NDUFV3: variants seen among roughly 807,000 people sequenced by gnomAD.
The protein encoded by NDUFV3 is NADH:ubiquinone oxidoreductase subunit V3, also known as NADH dehydrogenase [ubiquinone] flavoprotein 3, mitochondrial.
NDUFV3 carries 44 observed loss-of-function variants against 37.5 expected under a neutral mutation model. That is an observed-to-expected ratio of 1.17 (90% CI 0.92 to 1.51). The LOEUF is 1.51. NDUFV3 is among the 40% of genes most tolerant of loss of function. NDUFV3 has a pLI of 0.00. For synonymous variants in NDUFV3, 235 were observed against 239.3 expected (o/e 0.98, Z 0.17); for missense variants, 580 against 580.4 (o/e 1.00, Z 0.01).
chr21:42,909,379 T>A lies in NDUFV3; in HGVS notation c.*358T>A. 1 of 327,006 alleles carries A rather than the reference T, an allele frequency of 3.1e-6. No individual in the cohort carries two copies. The highest frequency in any genetic ancestry group is 2.5e-5 in the South Asian group (1 of 39,276). The allele number at this position is 327,006 out of a possible 1,614,324, so 20.3% of individuals were successfully genotyped here. A position where few individuals can be genotyped will look rare whatever the true frequency, so the allele number is the denominator to read the frequency against. ...CTGGTCTCGAACTCCTGACCTCAGATGGTCTGCCCACCTCCGCCTCCCAAA... is the reference window on the plus strand; with the variant it reads ...CTGGTCTCGAACTCCTGACCTCAGAAGGTCTGCCCACCTCCGCCTCCCAAA... On this transcript the variant is annotated 3_prime_UTR_variant, in exon 4 of 4. Coordinates refer to ENST00000354250, the MANE Select transcript of NDUFV3 (RefSeq NM_021075.4).
chr21:42,897,010 T>G lies in NDUFV3; in HGVS notation c.132T>G (p.Gly44=). The part of the protein sequence containing the change: ...LSAESGKSEK[G]QPQNSKKQSP... Reference sequence around the variant, plus strand: ...CGGAATCAGGGAAGAGTGAAAAGGGTCAGCCACAGAATTCCAAGAAGCAAA... The same window carrying G: ...CGGAATCAGGGAAGAGTGAAAAGGGGCAGCCACAGAATTCCAAGAAGCAAA... The change falls in exon 2 of 4, where the codon GGT becomes GGG. Residue 44 remains glycine (G), a synonymous_variant. Coordinates refer to ENST00000354250, the MANE Select transcript of NDUFV3 (RefSeq NM_021075.4). The G allele has an allele frequency of 1.2e-6, 2 of 1,613,976 alleles. No individual in the cohort carries two copies. The highest frequency in any genetic ancestry group is 1.7e-6 in the Non-Finnish European group (2 of 1,180,000).
At position 42,911,891 on chromosome 21, in the gene NDUFV3, A is replaced by G. The variant is rs559814924; in HGVS notation, c.*2870A>G. 1 of 152,224 alleles carries G rather than the reference A, an allele frequency of 6.6e-6. No individual in the cohort carries two copies. The highest frequency in any genetic ancestry group is 1.5e-5 in the Non-Finnish European group (1 of 68,050). 9.4% of individuals were successfully genotyped at this position (152,224 alleles called of 1,614,324 possible). A position where few individuals can be genotyped will look rare whatever the true frequency, so the allele number is the denominator to read the frequency against. On this transcript the variant is annotated 3_prime_UTR_variant, in exon 4 of 4. Coordinates refer to ENST00000354250, the MANE Select transcript of NDUFV3 (RefSeq NM_021075.4). ...GGAAATTCCCTTAATATTAAAATGA[A>G]CATGAATATATTTTGATTTGCATAT...
rs1330382794 is a variant in NDUFV3, at chr21:42,904,368, C to T, written c.1264+92C>T. ...TACATATGCTTGTAGAGCAGTGTTACAATTAGTCAAATTCTGTACTAGAAA... is the reference window on the plus strand; with the variant it reads ...TACATATGCTTGTAGAGCAGTGTTATAATTAGTCAAATTCTGTACTAGAAA... On this transcript the variant is annotated intron_variant, in intron 3 of 3. Transcript: ENST00000354250. The T allele has an allele frequency of 2.1e-5, 32 of 1,514,424 alleles. No homozygotes were observed. The South Asian group carries it at 2.7e-4, about 13-fold the overall frequency. 93.8% of individuals were successfully genotyped at this position (1,514,424 alleles called of 1,614,324 possible). A position where few individuals can be genotyped will look rare whatever the true frequency, so the allele number is the denominator to read the frequency against.
intron 1 of NDUFV3, among the ~76,000 whole-genome samples, chr21:42,896,397 C>T (rs1450288905): frequency 1.3e-5 from 2 of 151,886 alleles, no homozygotes; most frequent in African/African-American, 4.8e-5. Context: ...ACCTCATGAT[C>T]CACACGCCTC....
intron 1 of NDUFV3, among the ~76,000 whole-genome samples, chr21:42,894,503 AT>A (rs1272423576): frequency 1.2e-5 from 1 of 83,434 alleles, no homozygotes; most frequent in Admixed American, 1.7e-4. Flanking sequence ...ATAATATATA[AT>A]ATATATTTAT....
At position 42,893,314 on chromosome 21, in the gene NDUFV3, G is replaced by A. The variant is rs1569346301; in HGVS notation, c.-20G>A. On this transcript the variant is annotated 5_prime_UTR_variant, in exon 1 of 4. It adds an upstream start codon to the 5' untranslated region. Coordinates refer to ENST00000354250, the MANE Select transcript of NDUFV3 (RefSeq NM_021075.4). ...CGCGCAGCTGCTGTGGCCCTGCTTG[G>A]TGCGCCCGCTGTCACCGCCATGGCT... The A allele has an allele frequency of 1.3e-6, 2 of 1,537,312 alleles. No homozygotes were observed. Among genetic ancestry groups the A allele is most frequent in the South Asian group, 1.2e-5 (1 of 83,942 alleles).
Position 42,912,871 on chromosome 21 carries a change from G to A in NDUFV3, c.*3850G>A, listed in dbSNP as rs1456612155. Reference sequence around the variant, plus strand: ...AGCCTCACTGCACTCCAGCCTGGGCGAAAGAGCAAGACTCCGTCTCAAAAA... The same window carrying A: ...AGCCTCACTGCACTCCAGCCTGGGCAAAAGAGCAAGACTCCGTCTCAAAAA... On this transcript the variant is annotated 3_prime_UTR_variant, in exon 4 of 4. Transcript: ENST00000354250. 2.8e-5 allele frequency: 4 copies of A among 143,960 alleles called. No individual in the cohort carries two copies. The highest frequency in any genetic ancestry group is 7.2e-5 in the Admixed American group (1 of 13,968). The allele number at this position is 143,960 out of a possible 1,614,324, so 8.9% of individuals were successfully genotyped here. A position where few individuals can be genotyped will look rare whatever the true frequency, so the allele number is the denominator to read the frequency against.
chr21:42,897,578 T>C (rs1437155271), intron 2 of NDUFV3, among the ~76,000 whole-genome samples: 5 of 152,258 alleles, frequency 3.3e-5, no homozygotes, highest in Admixed American at 2.6e-4. Context: ...TTTCACAATG[T>C]TAGCCAGGAT....
chr21:42,899,836 T>TC (rs11415062), intron 2 of NDUFV3, among the ~76,000 whole-genome samples: 33,995 of 151,888 alleles, frequency 0.22, 4,877 homozygotes, highest in African/African-American at 0.42. Flanking sequence ...TGCCTCAACC[T>TC]CCCAAAGTTG....
chr21:42,894,403 T>C (rs1231142114), intron 1 of NDUFV3, among the ~76,000 whole-genome samples: 2 of 32,436 alleles, frequency 6.2e-5, no homozygotes, highest in Admixed American at 3.2e-4. Flanking sequence ...ATTATATATT[T>C]ATATAATATA....
intron 1 of NDUFV3, among the ~76,000 whole-genome samples, chr21:42,894,371 T>TATAAATATA (rs59005349): frequency 4.4e-5 from 1 of 22,978 alleles, no homozygotes; most frequent in African/African-American, 1.1e-3. Context: ...TATATATATA[T>TATAAATATA]TTATATAATA....
intron 2 of NDUFV3, among the ~76,000 whole-genome samples, chr21:42,899,121 T>C (rs1568857135): frequency 6.6e-6 from 1 of 152,140 alleles, no homozygotes; most frequent in Non-Finnish European, 1.5e-5. Context: ...TCGGTTCCTT[T>C]GTGCTTAAGC....
rs1262058255 is a variant in NDUFV3, at chr21:42,906,764, C to T, written c.1265-2100C>T. 1.1e-5 allele frequency: 5 copies of T among 458,348 alleles called. No homozygotes were observed. The Admixed American group carries it at 1.2e-4, about 11-fold the overall frequency. The allele number at this position is 458,348 out of a possible 1,614,324, so 28.4% of individuals were successfully genotyped here. A position where few individuals can be genotyped will look rare whatever the true frequency, so the allele number is the denominator to read the frequency against. On this transcript the variant is annotated intron_variant, in intron 3 of 3. Coordinates refer to ENST00000354250, the MANE Select transcript of NDUFV3 (RefSeq NM_021075.4). ...CCTTCCAGGTAGAGTGGTTTTAGAT[C>T]AGAGTTTTGTAACCCACGTCTTGGT...
Position 42,909,992 on chromosome 21 carries a change from G to A in NDUFV3, c.*971G>A, listed in dbSNP as rs967641268. 4 of 152,130 alleles carry A rather than the reference G, an allele frequency of 2.6e-5. No individual in the cohort carries two copies. The highest frequency in any genetic ancestry group is 5.9e-5 in the Non-Finnish European group (4 of 68,056). The allele number at this position is 152,130 out of a possible 1,614,324, so 9.4% of individuals were successfully genotyped here. On this transcript the variant is annotated 3_prime_UTR_variant, in exon 4 of 4. Coordinates refer to ENST00000354250, the MANE Select transcript of NDUFV3 (RefSeq NM_021075.4). The stretch of plus-strand genomic sequence containing the variant: ...GAGCCACTGCACCCAGCCAGTAATA[G>A]TGACTTCTAATCCTACAGCCCTGGT...
At chr21:42,895,663 A>G (rs2058687141) in intron 1 of NDUFV3, among the ~76,000 whole-genome samples, 3 of 151,770 alleles carry the variant, frequency 2.0e-5, no homozygotes, top group Admixed American at 6.6e-5. Context: ...AAAAAAAAAA[A>G]AAAGAAAAGA....
chr21:42,893,459 G>C, intron 1 of NDUFV3, 78 bp downstream of exon 1: 1 of 1,492,274 alleles, frequency 6.7e-7, no homozygotes, highest in Non-Finnish European at 9.0e-7. Flanking sequence ...CGCGGTGCTG[G>C]TCAGGTCCGG....
intron 1 of NDUFV3, among the ~76,000 whole-genome samples, chr21:42,894,322 TATAAATAC>T (rs1215549205): frequency 6.1e-5 from 4 of 66,054 alleles, no homozygotes; most frequent in African/African-American, 1.7e-4. Context: ...TATATATATA[TATAAATAC>T]ATATTATATA....
chr21:42,894,508 T>TA (rs2058681458), intron 1 of NDUFV3, among the ~76,000 whole-genome samples: 5 of 85,060 alleles, frequency 5.9e-5, no homozygotes, highest in African/African-American at 2.8e-4. Context: ...ATATAATATA[T>TA]ATTTATATAT....
At chr21:42,894,557 A>T (rs2058682546) in intron 1 of NDUFV3, among the ~76,000 whole-genome samples, 1 of 63,530 alleles carries the variant, frequency 1.6e-5, no homozygotes, top group African/African-American at 9.5e-5. Flanking sequence ...TATAATATAT[A>T]TATATTTTTT....
Sources: allele counts gnomAD v4.1 joint callset (sites outside exome capture counted in the v4.1 genomes callset), GRCh38; gene constraint gnomAD v4.1.1; transcripts MANE v1.5; gene names NCBI Gene and HGNC (gene_info 2026-07-23, HGNC 2026-07-21).